Variants in CTNNA3 observed in about 807,000 individuals in gnomAD.
The protein encoded by CTNNA3 is catenin alpha 3, also known as catenin alpha-3.
A neutral mutation model predicts 95.7 loss-of-function variants in CTNNA3; 76 were observed. The ratio of observed to expected loss-of-function variants is 0.79; its 90% CI spans 0.66 to 0.96. The LOEUF (loss-of-function observed/expected upper bound fraction) is 0.96, where lower values mean the gene tolerates loss of function less well. CTNNA3 is among the 40% of genes least tolerant of loss of function. The pLI is 0.00. For synonymous variants in CTNNA3, 431 were observed against 374.4 expected, an observed-to-expected ratio of 1.15 and a Z score of -1.74; for missense variants, 1,191 against 1,089.8, an observed-to-expected ratio of 1.09 and a Z score of -1.31.
At chr10:66,509,707 T>C (rs1365276858) in intron 11 of CTNNA3, among the ~76,000 whole-genome samples, 1 of 152,038 alleles carries the variant, frequency 6.6e-6, no homozygotes, top group Non-Finnish European at 1.5e-5. Context: ...GGGTTCTCTA[T>C]CTTATTCCAT....
intron 9 of CTNNA3, among the ~76,000 whole-genome samples, chr10:66,739,215 T>C (rs1024397871): frequency 3.9e-5 from 6 of 152,188 alleles, no homozygotes; most frequent in Non-Finnish European, 7.3e-5. Context: ...TCTCAAACTT[T>C]AGTGTCCATC....
chr10:66,748,824 A>G (rs2132720369), intron 9 of CTNNA3, among the ~76,000 whole-genome samples: 1 of 152,140 alleles, frequency 6.6e-6, no homozygotes, highest in East Asian at 1.9e-4. Flanking sequence ...TGCATTTGTT[A>G]CAATCGATGA....
chr10:66,031,526 G>C (rs1466648789), intron 15 of CTNNA3, among the ~76,000 whole-genome samples: 1 of 152,114 alleles, frequency 6.6e-6, no homozygotes, highest in African/African-American at 2.4e-5. Flanking sequence ...TGGACATAAA[G>C]ATGGGGAAAA....
intron 7 of CTNNA3, among the ~76,000 whole-genome samples, chr10:66,984,478 A>G (rs1850617368): frequency 2.0e-5 from 3 of 152,204 alleles, no homozygotes; most frequent in Non-Finnish European, 2.9e-5. Flanking sequence ...AAGTAACACT[A>G]AGGAAATAAA....
At chr10:67,254,682 C>T (rs1589091866) in intron 5 of CTNNA3, among the ~76,000 whole-genome samples, 1 of 152,098 alleles carries the variant, frequency 6.6e-6, no homozygotes, top group South Asian at 2.1e-4. Context: ...ATATTTTTAC[C>T]TTTTCTATGT....
At chr10:65,955,187 TTGTC>T (rs2077703158) in intron 17 of CTNNA3, among the ~76,000 whole-genome samples, 1 of 152,220 alleles carries the variant, frequency 6.6e-6, no homozygotes, top group African/African-American at 2.4e-5. Flanking sequence ...GGCTCTCTGT[TTGTC>T]TGTTATTGGC....
In CTNNA3 at chr10:66,692,958, G is replaced by A. The variant is rs374581564; in HGVS notation, c.1282-71174C>T. On this transcript the variant is annotated intron_variant, in intron 9 of 17. Transcript: ENST00000433211. ...GGCCTGCCCTAAAAGAGCTCCTGAAGGAAGCACTAAACGTGGAAAGCAACA... is the reference window on the plus strand; with the variant it reads ...GGCCTGCCCTAAAAGAGCTCCTGAAAGAAGCACTAAACGTGGAAAGCAACA... Among the ~76,000 whole-genome samples, 37 of 152,124 alleles carry A rather than the reference G, an allele frequency of 2.4e-4. No homozygotes were observed. The East Asian group carries it at 2.7e-3, about 11-fold the overall frequency.
intron 9 of CTNNA3, among the ~76,000 whole-genome samples, chr10:66,683,032 G>GACAATTAT (rs1847123222): frequency 6.6e-6 from 1 of 152,044 alleles, no homozygotes; most frequent in Non-Finnish European, 1.5e-5. Context: ...AGTGACTGAG[G>GACAATTAT]ACAATTATTT....
chr10:66,741,002 G>A (rs536920429), intron 9 of CTNNA3, among the ~76,000 whole-genome samples: 37 of 152,306 alleles, frequency 2.4e-4, no homozygotes, highest in African/African-American at 7.5e-4. Flanking sequence ...GAATCACCTA[G>A]TGAAACAGAA....
chr10:66,686,171 T>C (rs1044992332), intron 9 of CTNNA3, among the ~76,000 whole-genome samples: 3 of 152,224 alleles, frequency 2.0e-5, no homozygotes, highest in African/African-American at 7.2e-5. Context: ...CCTCAGTATT[T>C]GTTTTTTCTA....
chr10:67,486,113 G>C (rs1848438976), intron 5 of CTNNA3, among the ~76,000 whole-genome samples: 2 of 152,208 alleles, frequency 1.3e-5, no homozygotes, highest in African/African-American at 4.8e-5. Flanking sequence ...AGTGTTGATT[G>C]ATGAGGCACA....
chr10:67,628,976 T>C (rs551700409), intron 2 of CTNNA3, among the ~76,000 whole-genome samples: 3 of 151,624 alleles, frequency 2.0e-5, no homozygotes, highest in Non-Finnish European at 4.4e-5. Flanking sequence ...TATAAGTGAA[T>C]CAATGAACTG....
chr10:67,464,583 G>T lies in CTNNA3; in HGVS notation c.579+57259C>A, dbSNP rs529105616. Among the ~76,000 whole-genome samples, 5 of 151,982 alleles carry T rather than the reference G, an allele frequency of 3.3e-5. No individual in the cohort carries two copies. The East Asian group carries it at 9.7e-4, about 29-fold the overall frequency. On this transcript the variant is annotated intron_variant, in intron 5 of 17. Coordinates refer to ENST00000433211, the MANE Select transcript of CTNNA3 (RefSeq NM_013266.4). ...TTGAAGAGCCCAGCAGACCTTTTGG[G>T]GTACTTTGTACATACACTGAATATA...
chr10:66,610,162 C>A (rs1564566700), intron 10 of CTNNA3, among the ~76,000 whole-genome samples: 1 of 151,910 alleles, frequency 6.6e-6, no homozygotes, highest in Non-Finnish European at 1.5e-5. Flanking sequence ...AGGCTTAATA[C>A]CTGGGTGACA....
rs749621845 is a variant in CTNNA3 at position 66,520,708 on chromosome 10, T to G, written c.1440A>C (p.Glu480Asp). 6.2e-7 allele frequency: 1 copy of G among 1,612,230 alleles called. No individual in the cohort carries two copies. Among genetic ancestry groups the G allele is most frequent in the African/African-American group, 1.3e-5 (1 of 74,896 alleles). The stretch of plus-strand genomic sequence containing the variant: ...GATTCTCCCATGTACGCTTGTACAT[T>G]TCCATGGTGTTTTTGACCGCTTGAC... The part of the protein sequence containing the change: ...PKSQAVKNTM[E>D]MYKRTWENHI... The change falls in exon 11 of 18, where the codon GAA (glutamate) becomes GAC (aspartate). Residue 480 changes from glutamate to aspartate, a missense_variant. Transcript: ENST00000433211.
intron 11 of CTNNA3, among the ~76,000 whole-genome samples, chr10:66,472,830 T>C (rs1213894264): frequency 2.0e-5 from 3 of 151,962 alleles, no homozygotes; most frequent in Non-Finnish European, 4.4e-5. Context: ...CACAAAAATA[T>C]AGTGTGGTAG....
chr10:66,375,172 C>T (rs184262844), intron 12 of CTNNA3, among the ~76,000 whole-genome samples: 349 of 151,720 alleles, frequency 2.3e-3, no homozygotes, highest in African/African-American at 8.0e-3. Context: ...GGCATGTCCC[C>T]GCCATTGTGG....
At chr10:66,523,587 T>A (rs912697835) in intron 10 of CTNNA3, among the ~76,000 whole-genome samples, 3 of 152,200 alleles carry the variant, frequency 2.0e-5, no homozygotes, top group African/African-American at 7.2e-5. Context: ...AAAGCTTTTT[T>A]TTAAAATGAA....
intron 7 of CTNNA3, among the ~76,000 whole-genome samples, chr10:67,037,662 T>G (rs556319759): frequency 6.6e-6 from 1 of 152,152 alleles, no homozygotes; most frequent in Non-Finnish European, 1.5e-5. Flanking sequence ...AGGAACTAAG[T>G]AGAAAGTTAC....
Sources: gnomAD v4.1 joint callset for allele counts (sites outside exome capture counted in the v4.1 genomes callset) on GRCh38, gnomAD v4.1.1 for gene constraint, MANE v1.5 for transcripts, NCBI Gene and HGNC (gene_info 2026-07-23, HGNC 2026-07-21) for gene names.